The following LRGUK variants were observed in gnomAD, a reference collection of about 807,000 sequenced individuals.
LRGUK encodes leucine-rich repeat and guanylate kinase domain-containing protein.
A neutral mutation model predicts 76.0 loss-of-function variants in LRGUK; 65 were observed. The ratio of observed to expected loss-of-function variants is 0.85; its 90% confidence interval spans 0.70 to 1.05. LRGUK has a LOEUF of 1.05. Ranked by LOEUF, LRGUK falls within the 50% of genes least tolerant of loss-of-function variation. LRGUK has a pLI of 0.00. For missense variants in LRGUK, 758 were observed against 732.8 expected (o/e 1.03, Z -0.40); for synonymous variants, 268 against 265.6 (o/e 1.01, Z -0.09).
exon 15 of LRGUK, chr7:134,201,495 G>A: frequency 6.2e-7 from 1 of 1,613,712 alleles, no homozygotes; most frequent in South Asian, 1.1e-5. Flanking sequence ...TCTGGATGTT[G>A]CCTACCAAAA....
downstream of LRGUK, among the ~76,000 whole-genome samples, chr7:134,264,745 T>TAGG (rs1802825605): frequency 6.6e-6 from 1 of 152,194 alleles, no homozygotes; most frequent in Non-Finnish European, 1.5e-5. Context: ...CGCTAGTATG[T>TAGG]CCCAGTAGGC....
At chr7:134,174,738 A>T in intron 8 of LRGUK, 102 bp downstream of exon 8, 1 of 740,608 alleles carries the variant, frequency 1.4e-6, no homozygotes, top group Non-Finnish European at 2.4e-6. Context: ...ATAAAAGAAT[A>T]TCAGGAATGT....
At chr7:134,258,298 G>T (rs756103676) in exon 19 of LRGUK, 1 of 1,613,986 alleles carries the variant, frequency 6.2e-7, no homozygotes, top group Non-Finnish European at 8.5e-7. Context: ...TCATTGTTTC[G>T]GTTCTGTCCG....
chr7:134,144,596 T>A (rs1167566676), intron 4 of LRGUK, among the ~76,000 whole-genome samples: 1 of 152,234 alleles, frequency 6.6e-6, no homozygotes, highest in Non-Finnish European at 1.5e-5. Context: ...TTATTATCTA[T>A]TAGTTTTATT....
chr7:134,193,330 T>G lies in LRGUK; in HGVS notation c.1431+1579T>G, dbSNP rs553597040. ...TAAGAAGCATTCTCTTAGGACTTTT[T>G]AAGTTGAAAGACAACTAATTCCCAA... On this transcript the variant is annotated intron_variant, in intron 12 of 15. Transcript: ENST00000645682. 1.8e-3 allele frequency among the ~76,000 whole-genome samples: 273 copies of G among 152,334 alleles called. 1 individual carries two copies. Among genetic ancestry groups the G allele is most frequent in the African/African-American group, 6.2e-3 (257 of 41,580 alleles).
intron 16 of LRGUK, among the ~76,000 whole-genome samples, chr7:134,235,473 T>TA (rs1226348260): frequency 2.0e-5 from 3 of 152,220 alleles, no homozygotes; most frequent in African/African-American, 7.2e-5. Flanking sequence ...CCCTAATTTA[T>TA]ACTGCAACCT....
At chr7:134,190,816 C>T (rs1800176835) in intron 11 of LRGUK, among the ~76,000 whole-genome samples, 1 of 74,474 alleles carries the variant, frequency 1.3e-5, no homozygotes, top group Non-Finnish European at 3.3e-5. Context: ...CATGGTCCTC[C>T]CCTTTAGGAT....
exon 1 of LRGUK, chr7:134,127,590 G>A (rs993242881): frequency 2.5e-6 from 4 of 1,614,086 alleles, no homozygotes; most frequent in Non-Finnish European, 3.4e-6. Context: ...GCTGGACTCG[G>A]ACGGAGATGA....
intron 16 of LRGUK, among the ~76,000 whole-genome samples, chr7:134,240,919 A>T (rs1180306628): frequency 6.6e-6 from 1 of 152,200 alleles, no homozygotes; most frequent in Non-Finnish European, 1.5e-5. Flanking sequence ...AAAGAAAAGA[A>T]TTTTCAACCC....
At position 134,218,813 on chromosome 7, in the gene LRGUK, A is replaced by T. The variant is rs17167643; in HGVS notation, c.1844-2966A>T. Among the ~76,000 whole-genome samples the T allele has an allele frequency of 0.013, 1,953 of 152,324 alleles. 84 individuals are homozygous for T. The East Asian group carries it at 0.15, about 11-fold the overall frequency. On this transcript the variant is annotated intron_variant, in intron 15 of 19. Transcript: ENST00000285928. Reference sequence around the variant, plus strand: ...ATATTGTTTTAATTTGTTTGATTTCAAATGAGTATGTCTAACATAAAAGAT... The same window carrying T: ...ATATTGTTTTAATTTGTTTGATTTCTAATGAGTATGTCTAACATAAAAGAT...
intron 5 of LRGUK, among the ~76,000 whole-genome samples, chr7:134,149,548 G>A (rs1798117383): frequency 6.6e-6 from 1 of 152,160 alleles, no homozygotes; most frequent in Non-Finnish European, 1.5e-5. Context: ...TTGGAACATA[G>A]CACCACTCCC....
At chr7:134,148,567 T>G (rs1798074887) in intron 5 of LRGUK, among the ~76,000 whole-genome samples, 1 of 152,186 alleles carries the variant, frequency 6.6e-6, no homozygotes. Context: ...AGTAAGATAG[T>G]CATTTTTCCG....
Position 134,201,652 on chromosome 7 carries a change from G to T in LRGUK, c.1843+76G>T, listed in dbSNP as rs1212069207. The T allele has an allele frequency of 3.9e-6, 4 of 1,036,484 alleles. No individual in the cohort carries two copies. The African/African-American group carries it at 6.4e-5, about 17-fold the overall frequency. The allele number at this position is 1,036,484 out of a possible 1,614,324, so 64.2% of individuals were successfully genotyped here. ...GAAAACAAATCTGAGTTGCTATTTG[G>T]GTACTCATCACTTGGGCTAAAGCTG... On this transcript the variant is annotated intron_variant, in intron 15 of 15. Transcript: ENST00000645682.
At chr7:134,157,521 C>T (rs975208337) in intron 5 of LRGUK, among the ~76,000 whole-genome samples, 1 of 152,172 alleles carries the variant, frequency 6.6e-6, no homozygotes, top group Non-Finnish European at 1.5e-5. Context: ...CCAGCACACT[C>T]AAAAGCTATG....
chr7:134,144,982 A>G lies in LRGUK; in HGVS notation c.588+1820A>G, dbSNP rs149282698. Among the ~76,000 whole-genome samples the G allele has an allele frequency of 9.6e-3, 1,458 of 152,154 alleles. 26 individuals carry two copies. Among genetic ancestry groups the G allele is most frequent in the African/African-American group, 0.033 (1,375 of 41,494 alleles). The stretch of plus-strand genomic sequence containing the variant: ...CATTCATGGTAACAGCATGACCCCT[A>G]CCCCAGGAAAAACTTTGGAGTTTCT... On this transcript the variant is annotated intron_variant, in intron 4 of 15. Coordinates refer to ENST00000645682, the Ensembl canonical transcript of LRGUK.
At chr7:134,216,938 T>A (rs917999455) in intron 15 of LRGUK, among the ~76,000 whole-genome samples, 6 of 152,148 alleles carry the variant, frequency 3.9e-5, no homozygotes, top group Non-Finnish European at 7.4e-5. Context: ...GGCAATCCCA[T>A]CAGAAATACA....
intron 18 of LRGUK, 123 bp downstream of exon 18, chr7:134,249,199 G>A: frequency 8.8e-7 from 1 of 1,135,242 alleles, no homozygotes; most frequent in Non-Finnish European, 1.2e-6. Context: ...AACTCCCGCT[G>A]TAGAATTTGA....
At chr7:134,162,157 A>G (rs1269336633) in intron 6 of LRGUK, among the ~76,000 whole-genome samples, 2 of 152,124 alleles carry the variant, frequency 1.3e-5, no homozygotes, top group East Asian at 1.9e-4. Flanking sequence ...AGTTGTAGTG[A>G]CTTGGAGAAA....
intron 15 of LRGUK, among the ~76,000 whole-genome samples, chr7:134,206,517 A>C (rs1189301772): frequency 6.6e-6 from 1 of 150,876 alleles, no homozygotes; most frequent in African/African-American, 2.4e-5. Flanking sequence ...CCATCTCAAA[A>C]TAAATAAATA....
Sources: gnomAD v4.1 joint callset for allele counts (sites outside exome capture counted in the v4.1 genomes callset) on GRCh38, gnomAD v4.1.1 for gene constraint, MANE v1.5 for transcripts, NCBI Gene and HGNC (gene_info 2026-07-23, HGNC 2026-07-21) for gene names.